Variants in HS6ST3 observed in about 807,000 individuals in gnomAD.
HS6ST3 encodes heparan sulfate 6-O-sulfotransferase 3, also known as heparan-sulfate 6-O-sulfotransferase 3.
HS6ST3 carries 12 observed loss-of-function variants against 36.7 expected under a neutral mutation model. That is an observed-to-expected ratio of 0.33 (90% CI 0.21 to 0.53). The LOEUF (loss-of-function observed/expected upper bound fraction) is 0.53. HS6ST3 is among the 20% of genes least tolerant of loss of function. The pLI is 0.95. For synonymous variants in HS6ST3, 240 were observed against 257.5 expected (o/e 0.93, Z 0.65); for missense variants, 584 against 640.9 (o/e 0.91, Z 0.96).
intron 1 of HS6ST3, among the ~76,000 whole-genome samples, chr13:96,400,308 T>TAC (rs10603063): frequency 0.02 from 2,915 of 142,506 alleles, 81 homozygotes; most frequent in African/African-American, 0.067. Context: ...GACACACAGA[T>TAC]ACACACACAC....
At chr13:96,329,065 T>C (rs2055049683) in intron 1 of HS6ST3, among the ~76,000 whole-genome samples, 1 of 150,968 alleles carries the variant, frequency 6.6e-6, no homozygotes, top group Admixed American at 6.6e-5. Flanking sequence ...ATTTGATTCT[T>C]CTCTCTTTTT....
At chr13:96,338,301 G>A (rs984831764) in intron 1 of HS6ST3, among the ~76,000 whole-genome samples, 1 of 152,082 alleles carries the variant, frequency 6.6e-6, no homozygotes, top group Non-Finnish European at 1.5e-5. Flanking sequence ...GTTTCTCTTG[G>A]GTCTCAGTGC....
At chr13:96,453,969 C>T (rs1459810262) in intron 1 of HS6ST3, among the ~76,000 whole-genome samples, 1 of 152,114 alleles carries the variant, frequency 6.6e-6, no homozygotes, top group Non-Finnish European at 1.5e-5. Flanking sequence ...CCTTACCTTG[C>T]CCTGTTGGTC....
intron 1 of HS6ST3, among the ~76,000 whole-genome samples, chr13:96,386,710 C>CA (rs1333349574): frequency 2.6e-5 from 4 of 151,866 alleles, no homozygotes; most frequent in African/African-American, 9.7e-5. Flanking sequence ...ACTAAAAATA[C>CA]AAAAAATTAG....
At chr13:96,512,514 A>G (rs536247569) in intron 1 of HS6ST3, among the ~76,000 whole-genome samples, 57 of 152,308 alleles carry the variant, frequency 3.7e-4, no homozygotes, top group Admixed American at 1.6e-3. Context: ...CAGTGTTCGC[A>G]TTGAAGAGTA....
In HS6ST3 at chr13:96,687,100, T is replaced by C. The variant is rs1367027517; in HGVS notation, c.708-145390T>C. Reference sequence around the variant, plus strand: ...AAAAAGCAAGAAGTGCTTTTTTTTTTTTTTTACAAATATGGTGGCAAAATG... The same window carrying C: ...AAAAAGCAAGAAGTGCTTTTTTTTTCTTTTTACAAATATGGTGGCAAAATG... On this transcript the variant is annotated intron_variant, in intron 1 of 1. Transcript: ENST00000376705. 2.0e-5 allele frequency among the ~76,000 whole-genome samples: 3 copies of C among 152,000 alleles called. No homozygotes were observed. The East Asian group carries it at 5.8e-4, about 29-fold the overall frequency.
At chr13:96,790,307 A>T (rs933490594) in intron 1 of HS6ST3, among the ~76,000 whole-genome samples, 1 of 146,204 alleles carries the variant, frequency 6.8e-6, no homozygotes, top group African/African-American at 2.6e-5. Context: ...ACACACACAC[A>T]CTCCTCTTAT....
chr13:96,804,275 C>T, intron 1 of HS6ST3, among the ~76,000 whole-genome samples: 1 of 152,144 alleles, frequency 6.6e-6, no homozygotes, highest in East Asian at 1.9e-4. Flanking sequence ...AAGCGAATCT[C>T]TATAGAGAAA....
At chr13:96,177,645 G>C (rs1300463198) in intron 1 of HS6ST3, among the ~76,000 whole-genome samples, 1 of 152,016 alleles carries the variant, frequency 6.6e-6, no homozygotes, top group Admixed American at 6.6e-5. Flanking sequence ...TTGTAGGGAG[G>C]GTGGGAGGAG....
intron 1 of HS6ST3, among the ~76,000 whole-genome samples, chr13:96,511,965 A>G (rs926125699): frequency 1.3e-5 from 2 of 152,194 alleles, no homozygotes; most frequent in African/African-American, 4.8e-5. Context: ...TAGACAGACT[A>G]ATATTTCTCA....
At chr13:96,516,424 A>G (rs2056073140) in intron 1 of HS6ST3, among the ~76,000 whole-genome samples, 1 of 152,166 alleles carries the variant, frequency 6.6e-6, no homozygotes, top group African/African-American at 2.4e-5. Flanking sequence ...TCTCATCTCT[A>G]TATTCACACA....
intron 1 of HS6ST3, chr13:96,169,838 C>A (rs2139333706): frequency 6.6e-6 from 1 of 152,342 alleles, no homozygotes. Flanking sequence ...CATAGCAAGA[C>A]CCCGTGTCTT....
intron 1 of HS6ST3, among the ~76,000 whole-genome samples, chr13:96,157,878 A>C (rs993561275): frequency 6.6e-6 from 1 of 152,208 alleles, no homozygotes; most frequent in Non-Finnish European, 1.5e-5. Context: ...TTGGAGACGC[A>C]CTGTGAGCTA....
chr13:96,408,377 T>C (rs1053827775), intron 1 of HS6ST3, among the ~76,000 whole-genome samples: 2 of 152,174 alleles, frequency 1.3e-5, no homozygotes, highest in African/African-American at 4.8e-5. Flanking sequence ...ATGAAAAATA[T>C]TCTCCAAACT....
intron 1 of HS6ST3, among the ~76,000 whole-genome samples, chr13:96,413,868 G>A (rs891313140): frequency 1.3e-5 from 2 of 152,160 alleles, no homozygotes; most frequent in South Asian, 2.1e-4. Context: ...AAAATCCGTG[G>A]TGGAATTCCT....
intron 1 of HS6ST3, among the ~76,000 whole-genome samples, chr13:96,304,197 G>A (rs2054897876): frequency 6.6e-6 from 1 of 151,302 alleles, no homozygotes; most frequent in East Asian, 1.9e-4. Context: ...TTTGGCATAT[G>A]TTTTCTACTC....
At chr13:96,485,963 GTTA>G (rs979442394) in intron 1 of HS6ST3, among the ~76,000 whole-genome samples, 3 of 151,636 alleles carry the variant, frequency 2.0e-5, no homozygotes, top group Non-Finnish European at 4.4e-5. Context: ...TGCTGCACCC[GTTA>G]ACTCGTCATT....
At chr13:96,188,786 A>G (rs1054071109) in intron 1 of HS6ST3, among the ~76,000 whole-genome samples, 6 of 152,210 alleles carry the variant, frequency 3.9e-5, no homozygotes, top group African/African-American at 1.4e-4. Flanking sequence ...TATTATTATC[A>G]GATGATTGCA....
intron 1 of HS6ST3, among the ~76,000 whole-genome samples, chr13:96,332,856 C>A (rs532117090): frequency 6.6e-6 from 1 of 152,180 alleles, no homozygotes; most frequent in African/African-American, 2.4e-5. Flanking sequence ...GAAAGTTAAT[C>A]ACCAATGTGA....
Sources: allele counts gnomAD v4.1 joint callset (sites outside exome capture counted in the v4.1 genomes callset), GRCh38; gene constraint gnomAD v4.1.1; transcripts MANE v1.5; gene names NCBI Gene and HGNC (gene_info 2026-07-23, HGNC 2026-07-21).